DMD: variants seen among roughly 807,000 people sequenced by gnomAD.
The protein encoded by DMD is mutant dystrophin.
DMD carries 63 observed loss-of-function variants against 330.1 expected under a neutral mutation model. That is an observed-to-expected ratio of 0.19 (90% confidence interval 0.16 to 0.24). The LOEUF is 0.24. Among genes scored for constraint, DMD ranks in the 10% least tolerant of loss-of-function variants. The pLI is 1.00. For missense variants in DMD, 3,344 were observed against 2,684.1 expected (o/e 1.25, Z -5.43); for synonymous variants, 1,223 against 959.8 (o/e 1.27, Z -5.07).
intron 78 of DMD, among the ~76,000 whole-genome samples, chrX:31,123,806 C>T (rs2033193671): frequency 8.9e-6 from 1 of 112,008 alleles, no homozygotes; most frequent in African/African-American, 3.2e-5. Flanking sequence ...AGCTAGAAAA[C>T]ATATTACAAA....
intron 59 of DMD, among the ~76,000 whole-genome samples, chrX:31,448,432 CAG>C (rs1184681839): frequency 1.8e-5 from 2 of 111,990 alleles, no homozygotes; most frequent in African/African-American, 6.5e-5. Flanking sequence ...CGCCTAAACA[CAG>C]AGTCACAAGA....
At chrX:31,195,823 G>A (rs747692276) in intron 67 of DMD, among the ~76,000 whole-genome samples, 10 of 108,131 alleles carry the variant, frequency 9.2e-5, no homozygotes, top group East Asian at 2.9e-4. Context: ...GAAGAGAGGC[G>A]GGAGGGAGGG....
chrX:32,464,482 T>G (rs2148426298), intron 24 of DMD, 104 bp downstream of exon 24: 1 of 609,692 alleles, frequency 1.6e-6, no homozygotes, highest in East Asian at 3.5e-5. Context: ...AAAAATCCAC[T>G]GGGGAGAGGA....
chrX:32,722,727 A>T (rs992167414), intron 7 of DMD, among the ~76,000 whole-genome samples: 23 of 111,181 alleles, frequency 2.1e-4, no homozygotes, highest in African/African-American at 5.6e-4. Context: ...AGAATTTTTT[A>T]AAATTTTTTG....
intron 42 of DMD, among the ~76,000 whole-genome samples, chrX:32,303,351 G>A (rs2097529878): frequency 9.0e-6 from 1 of 110,844 alleles, no homozygotes; most frequent in Non-Finnish European, 1.9e-5. Flanking sequence ...GCTAGGTGCT[G>A]TTCTAGGAGT....
At chrX:32,993,814 A>G (rs997247185) in intron 2 of DMD, among the ~76,000 whole-genome samples, 6 of 110,495 alleles carry the variant, frequency 5.4e-5, no homozygotes, top group African/African-American at 9.9e-5. Flanking sequence ...TTCCTCGCCT[A>G]TCACAAGGTT....
At chrX:32,147,313 T>A (rs1469973469) in intron 44 of DMD, among the ~76,000 whole-genome samples, 1 of 112,004 alleles carries the variant, frequency 8.9e-6, no homozygotes, top group Non-Finnish European at 1.9e-5. Context: ...ATCACAAAGC[T>A]GTTGCTTGAG....
chrX:32,385,385 C>T (rs981514396), intron 33 of DMD, among the ~76,000 whole-genome samples: 11 of 110,794 alleles, frequency 9.9e-5, no homozygotes, highest in African/African-American at 3.6e-4. Context: ...TATCTCACAG[C>T]ATATAAAAAA....
intron 60 of DMD, among the ~76,000 whole-genome samples, chrX:31,414,307 A>G (rs144005074): frequency 0.024 from 2,660 of 111,695 alleles, 33 homozygotes; most frequent in African/African-American, 0.055. Context: ...GAGCCACTGC[A>G]CCCGGCCCCC....
chrX:31,255,806 A>C (rs2049895779), intron 63 of DMD, among the ~76,000 whole-genome samples: 1 of 73,602 alleles, frequency 1.4e-5, no homozygotes, highest in Non-Finnish European at 2.4e-5. Context: ...ATGGAGTTTC[A>C]CTCTTGTTGC....
intron 55 of DMD, among the ~76,000 whole-genome samples, chrX:31,598,311 A>T (rs1313458197): frequency 9.0e-6 from 1 of 110,656 alleles, no homozygotes; most frequent in African/African-American, 3.3e-5. Flanking sequence ...TTTGGTAGAG[A>T]CGGAGTCTTG....
At chrX:31,136,417 T>C (rs747430112) in intron 76 of DMD, among the ~76,000 whole-genome samples, 5 of 112,173 alleles carry the variant, frequency 4.5e-5, no homozygotes, top group African/African-American at 1.6e-4. Context: ...AATGAAATAC[T>C]ACCAAGAGGA....
At position 33,266,550 on chromosome X, in the gene DMD, T is replaced by C. The variant is rs749619128; in HGVS notation, c.7+72709A>G. 4.9e-5 allele frequency among the ~76,000 whole-genome samples: 5 copies of C among 102,366 alleles called. No homozygotes were observed. The East Asian group carries it at 1.2e-3, about 24-fold the overall frequency. The allele number at this position is 102,366 out of a possible 115,157, so 88.9% of individuals were successfully genotyped here. A position where few individuals can be genotyped will look rare whatever the true frequency, so the allele number is the denominator to read the frequency against. ...AAGATAGTTGGAGGCAATACAAATA[T>C]GAATTATGATGTTTGCAGGTTTTAG... On this transcript the variant is annotated intron_variant, in intron 1 of 17. Coordinates refer to the DMD transcript ENST00000288447.
At chrX:31,266,159 CAAAAAAAAA>C (rs1174153877) in intron 62 of DMD, among the ~76,000 whole-genome samples, 1 of 13,333 alleles carries the variant, frequency 7.5e-5, no homozygotes, top group African/African-American at 3.7e-4. Flanking sequence ...TCCCGAAGGG[CAAAAAAAAA>C]AAAAAAAAAA....
At chrX:31,642,744 T>C (rs1232072746) in intron 54 of DMD, among the ~76,000 whole-genome samples, 1 of 111,563 alleles carries the variant, frequency 9.0e-6, no homozygotes, top group Non-Finnish European at 1.9e-5. Context: ...CCCAAAGAAA[T>C]AAAGTTGACC....
intron 45 of DMD, among the ~76,000 whole-genome samples, chrX:31,943,163 C>G (rs2095030160): frequency 8.9e-6 from 1 of 112,179 alleles, no homozygotes; most frequent in African/African-American, 3.2e-5. Context: ...ATTGAATGGC[C>G]CACAAAGCCA....
In DMD at chrX:32,362,913, T is replaced by C. The variant is rs2097842153; in HGVS notation, c.5200A>G (p.Thr1734Ala). ...ATCAAGTTTGCTGCTTGGTCACGTG[T>C]AGAGTCCACCTTTGGGCGTATGTCA... is the stretch of plus-strand genomic sequence containing the variant. ...LNDIRPKVDS[T>A]RDQAANLMAN... Residue 1734 changes from threonine (T) to alanine (A), a missense_variant, in exon 37 of 79, where the codon ACA becomes GCA. Transcript: ENST00000357033. 1.7e-6 allele frequency: 2 copies of C among 1,211,047 alleles called. No individual in the cohort carries two copies. The highest frequency in any genetic ancestry group is 2.2e-6 in the Non-Finnish European group (2 of 895,108).
chrX:33,314,574 T>C (rs1439161563), intron 1 of DMD, among the ~76,000 whole-genome samples: 1 of 98,770 alleles, frequency 1.0e-5, no homozygotes, highest in East Asian at 3.2e-4. Context: ...TTTTTTGTTT[T>C]TTTTTTTTTT....
chrX:31,953,786 G>A (rs1437781284), intron 45 of DMD, among the ~76,000 whole-genome samples: 1 of 111,612 alleles, frequency 9.0e-6, no homozygotes. Context: ...GTAAAAGGAA[G>A]CTCAGATAAT....
Sources: gnomAD v4.1 joint callset for allele counts (sites outside exome capture counted in the v4.1 genomes callset) on GRCh38, gnomAD v4.1.1 for gene constraint, MANE v1.5 for transcripts, NCBI Gene and HGNC (gene_info 2026-07-23, HGNC 2026-07-21) for gene names.